Variants in RASEF observed in about 807,000 individuals in gnomAD.
RASEF encodes ras and EF-hand domain-containing protein.
A neutral mutation model predicts 90.1 loss-of-function variants in RASEF; 68 were observed. The ratio of observed to expected loss-of-function variants is 0.75; its 90% CI spans 0.62 to 0.92. The LOEUF (loss-of-function observed/expected upper bound fraction) is 0.92. Ranked by LOEUF, RASEF falls within the 40% of genes least tolerant of loss-of-function variation. The pLI is 0.00. For synonymous variants in RASEF, 331 were observed against 345.2 expected (o/e 0.96, Z 0.46); for missense variants, 949 against 937.2 (o/e 1.01, Z -0.16).
At chr9:83,140,930 G>A in the RASEF span, among the ~76,000 whole-genome samples, 1 of 152,038 alleles carries the variant, frequency 6.6e-6, no homozygotes, top group East Asian at 1.9e-4. Context: ...ATAACCTTAG[G>A]TCAGGAGTTC....
At chr9:83,003,456 C>T (rs1292739297) in intron 9 of RASEF, among the ~76,000 whole-genome samples, 2 of 152,152 alleles carry the variant, frequency 1.3e-5, no homozygotes, top group African/African-American at 4.8e-5. Flanking sequence ...CAGTTGTATA[C>T]CTTTCCCCCC....
chr9:83,155,260 A>T, the RASEF span, among the ~76,000 whole-genome samples: 1 of 152,236 alleles, frequency 6.6e-6, no homozygotes, highest in African/African-American at 2.4e-5. Context: ...CCCTTCTTCT[A>T]TCTGTGTTTG....
intron 1 of RASEF, among the ~76,000 whole-genome samples, chr9:83,040,428 T>C (rs1008862093): frequency 6.6e-6 from 1 of 152,234 alleles, no homozygotes; most frequent in Non-Finnish European, 1.5e-5. Context: ...CATGATTCTA[T>C]GGCGATCAAC....
chr9:83,026,666 G>A (rs1042525574), intron 1 of RASEF, among the ~76,000 whole-genome samples: 2 of 152,054 alleles, frequency 1.3e-5, no homozygotes, highest in African/African-American at 4.8e-5. Context: ...ATCTGAGTGG[G>A]GACACAGCCA....
the RASEF span, among the ~76,000 whole-genome samples, chr9:83,131,217 G>A: frequency 1.3e-5 from 2 of 152,088 alleles, no homozygotes; most frequent in Admixed American, 6.5e-5. Context: ...TGGCCAATAA[G>A]CAATTATAGA....
At position 83,005,037 on chromosome 9, in the gene RASEF, A is replaced by G. The variant is rs1382104936; in HGVS notation, c.1113+379T>C. ...CAAATGCAGTCTGGGAGAGGTCCTT[A>G]AAGTTCCAAATGAGCTAAGCTGATT... On this transcript the variant is annotated intron_variant, in intron 8 of 16. Coordinates refer to ENST00000376447, the MANE Select transcript of RASEF (RefSeq NM_152573.4). Among the ~76,000 whole-genome samples, 3 of 152,184 alleles carry G rather than the reference A, an allele frequency of 2.0e-5. No individual in the cohort carries two copies. The East Asian group carries it at 5.8e-4, about 29-fold the overall frequency.
Position 83,000,547 on chromosome 9 carries a change from C to A in RASEF, c.1461G>T (p.Glu487Asp). The change falls in exon 11 of 17, where the codon GAG (glutamate) becomes GAT (aspartate). Residue 487 changes from glutamate to aspartate, a missense_variant. This residue lies in a region of RASEF where 288 missense variants were observed against 328.4 expected (regional missense o/e 0.88). Transcript: ENST00000376447. ...AAGCCACATCTTCTAAACCAAATGTCTCTTCATCCCTTATGTCAGGAACCT... is the reference window on the plus strand; with the variant it reads ...AAGCCACATCTTCTAAACCAAATGTATCTTCATCCCTTATGTCAGGAACCT... ...DTDVPDIRDEETFGLEDVASV... is the reference protein window; with the variant it reads ...DTDVPDIRDEDTFGLEDVASV... The A allele has an allele frequency of 6.2e-7, 1 of 1,606,492 alleles. No homozygotes were observed. Among genetic ancestry groups the A allele is most frequent in the Non-Finnish European group, 8.5e-7 (1 of 1,177,910 alleles).
chr9:83,173,118 T>C, the RASEF span, among the ~76,000 whole-genome samples: 3 of 152,128 alleles, frequency 2.0e-5, no homozygotes, highest in African/African-American at 7.2e-5. Flanking sequence ...CTGCCAGGTA[T>C]ATCAAAGCCC....
chr9:83,152,050 C>A, the RASEF span, among the ~76,000 whole-genome samples: 4 of 152,260 alleles, frequency 2.6e-5, no homozygotes, highest in South Asian at 6.2e-4. Context: ...TTCCCTCCCC[C>A]AGTAAGACTA....
chr9:82,989,702 G>A (rs1156638506), intron 16 of RASEF, among the ~76,000 whole-genome samples: 4 of 152,086 alleles, frequency 2.6e-5, no homozygotes, highest in African/African-American at 9.7e-5. Context: ...AAAGATGATT[G>A]CTCTGAAATT....
chr9:83,043,397 T>G (rs1403824813), intron 1 of RASEF, among the ~76,000 whole-genome samples: 1 of 119,516 alleles, frequency 8.4e-6, no homozygotes, highest in Admixed American at 8.4e-5. Flanking sequence ...CTGCAGTGAT[T>G]GGGGGGGGGG....
chr9:83,023,924 A>T (rs1829489094), intron 2 of RASEF, among the ~76,000 whole-genome samples: 1 of 152,226 alleles, frequency 6.6e-6, no homozygotes, highest in South Asian at 2.1e-4. Context: ...AGGGTGATGC[A>T]TAATCACAGA....
Position 82,990,475 on chromosome 9 carries a change from A to G in RASEF, c.2041-8T>C. The G allele has an allele frequency of 6.3e-7, 1 of 1,599,744 alleles. No individual in the cohort carries two copies. The highest frequency in any genetic ancestry group is 1.1e-5 in the South Asian group (1 of 90,256). ...GAATAATGCCCCATACGTCTGTAAA[A>G]AAGAAATACACACAATTAAATGAAG... is the stretch of plus-strand genomic sequence containing the variant. On this transcript the variant is annotated splice_polypyrimidine_tract_variant and splice_region_variant and intron_variant, in intron 15 of 16. Transcript: ENST00000376447.
At chr9:82,983,129 AC>A (rs1181524708) in intron 16 of RASEF, among the ~76,000 whole-genome samples, 1 of 150,318 alleles carries the variant, frequency 6.7e-6, no homozygotes, top group African/African-American at 2.5e-5. Flanking sequence ...ACACACACAC[AC>A]ACACACACAC....
the RASEF span, among the ~76,000 whole-genome samples, chr9:83,122,296 C>T: frequency 6.6e-6 from 1 of 152,136 alleles, no homozygotes; most frequent in Non-Finnish European, 1.5e-5. Flanking sequence ...TAAAACCAAG[C>T]GAGCATTCAT....
chr9:82,997,177 C>T, intron 13 of RASEF, 51 bp from the exon 14 acceptor site: 1 of 1,151,280 alleles, frequency 8.7e-7, no homozygotes, highest in East Asian at 2.3e-5. Context: ...CCTCATTCTT[C>T]TTCTCTTTTA....
At chr9:83,025,440 A>G (rs1404676182) in intron 2 of RASEF, among the ~76,000 whole-genome samples, 1 of 152,262 alleles carries the variant, frequency 6.6e-6, no homozygotes, top group African/African-American at 2.4e-5. Flanking sequence ...GTAGGTAACA[A>G]GGCCAGGCTT....
chr9:82,993,758 C>T (rs1364955561), intron 14 of RASEF, among the ~76,000 whole-genome samples: 1 of 152,194 alleles, frequency 6.6e-6, no homozygotes, highest in Non-Finnish European at 1.5e-5. Context: ...CACAGTGAAG[C>T]TCACAGAATG....
rs1829005351 is a variant in RASEF at position 83,000,282 on chromosome 9, C to T, written c.1610G>A (p.Ser537Asn). Reference sequence around the variant, plus strand: ...TACAATCTTGTAAGCCTTCTGTGAGCTAAAAGATTTAGCGTTGTCATCTAC... The same window carrying T: ...TACAATCTTGTAAGCCTTCTGTGAGTTAAAAGATTTAGCGTTGTCATCTAC... ...DLVDDNAKSF[S>N]SQKAYKIVLA... Residue 537 changes from serine (S) to asparagine (N), a missense_variant, in exon 12 of 17, where the codon AGC (serine) becomes AAC (asparagine). By Grantham distance (46) the Ser-to-Asn change is conservative. Around this residue, in one of 3 missense-constraint regions of RASEF, gnomAD observed 288 missense variants for 328.4 expected, o/e 0.88. Transcript: ENST00000376447. The T allele has an allele frequency of 1.2e-6, 2 of 1,614,026 alleles. No individual in the cohort carries two copies. The highest frequency in any genetic ancestry group is 1.7e-6 in the Non-Finnish European group (2 of 1,179,988).
Sources: allele counts gnomAD v4.1 joint callset (sites outside exome capture counted in the v4.1 genomes callset), GRCh38; gene constraint gnomAD v4.1.1; regional missense constraint gnomAD v4.1.1; transcripts MANE v1.5; gene names NCBI Gene and HGNC (gene_info 2026-07-23, HGNC 2026-07-21).